ZFR: variants seen among roughly 807,000 people sequenced by gnomAD.
ZFR encodes zinc finger RNA binding protein.
In ZFR, 19 loss-of-function variants were observed where a neutral mutation model predicts 130.7. The observed-to-expected ratio is 0.15, with a 90% CI of 0.10 to 0.21. The LOEUF (loss-of-function observed/expected upper bound fraction) is 0.21. Among genes scored for constraint, ZFR ranks in the 10% least tolerant of loss-of-function variants. ZFR has a pLI of 1.00. For synonymous variants in ZFR, 466 were observed against 456.9 expected (o/e 1.02, Z -0.25); for missense variants, 872 against 1,321.5 (o/e 0.66, Z 5.27).
rs769362722 is a variant in ZFR at position 32,370,310 on chromosome 5, G to GGAGA, written c.2836-6039_2836-6036dup. Reference sequence around the variant, plus strand: ...TATAATAACATTGTGTGTTGTGGGGGGAGAGAGAGAGAGAGAGAGAGAGAG... The same window carrying GGAGA: ...TATAATAACATTGTGTGTTGTGGGGGGAGAGAGAGAGAGAGAGAGAGAGAGAGAG... On this transcript the variant is annotated intron_variant, in intron 17 of 19. Coordinates refer to ENST00000265069, the MANE Select transcript of ZFR (RefSeq NM_016107.5). 6.9e-3 allele frequency among the ~76,000 whole-genome samples: 483 copies of GGAGA among 69,738 alleles called. 2 individuals are homozygous for GGAGA. Among genetic ancestry groups the GGAGA allele is most frequent in the East Asian group, 0.047 (107 of 2,298 alleles). The allele number at this position is 69,738 out of a possible 152,430, so 45.8% of individuals were successfully genotyped here. A position where few individuals can be genotyped will look rare whatever the true frequency, so the allele number is the denominator to read the frequency against.
chr5:32,365,827 T>C (rs2060046070), intron 17 of ZFR, among the ~76,000 whole-genome samples: 1 of 152,154 alleles, frequency 6.6e-6, no homozygotes, highest in Non-Finnish European at 1.5e-5. Context: ...TTTGAACTCC[T>C]GGACTCATGT....
chr5:32,427,374 C>CAAA (rs540663022), intron 2 of ZFR, among the ~76,000 whole-genome samples: 684 of 66,372 alleles, frequency 0.01, 17 homozygotes, highest in African/African-American at 0.041. Flanking sequence ...GACTCTGTCT[C>CAAA]AAAAAAAAAA....
chr5:32,429,733 T>C (rs1166546701), intron 2 of ZFR, among the ~76,000 whole-genome samples: 1 of 152,060 alleles, frequency 6.6e-6, no homozygotes, highest in Non-Finnish European at 1.5e-5. Context: ...CTTCTGTAAA[T>C]GCTGCAAATA....
intron 17 of ZFR, among the ~76,000 whole-genome samples, chr5:32,377,559 A>T (rs575666944): frequency 6.6e-6 from 1 of 152,304 alleles, no homozygotes; most frequent in East Asian, 1.9e-4. Context: ...AATTTCCAAC[A>T]CAGGTAAAGG....
intron 2 of ZFR, among the ~76,000 whole-genome samples, chr5:32,443,861 G>A (rs1754529768): frequency 6.6e-6 from 1 of 152,258 alleles, no homozygotes; most frequent in Admixed American, 6.5e-5. Flanking sequence ...ATGGGAGGTG[G>A]GGGCTGGACG....
At chr5:32,406,349 A>G (rs1442945866) in intron 6 of ZFR, among the ~76,000 whole-genome samples, 2 of 152,242 alleles carry the variant, frequency 1.3e-5, no homozygotes, top group Non-Finnish European at 2.9e-5. Context: ...CAGTCTCATT[A>G]GAAATGCAAT....
chr5:32,422,898 C>G (rs2111830354), intron 2 of ZFR, among the ~76,000 whole-genome samples: 1 of 145,716 alleles, frequency 6.9e-6, no homozygotes, highest in African/African-American at 2.5e-5. Context: ...GAAAAGAAAG[C>G]ACGTAAGCAA....
At chr5:32,387,305 C>A (rs1456015046) in intron 14 of ZFR, among the ~76,000 whole-genome samples, 1 of 152,012 alleles carries the variant, frequency 6.6e-6, no homozygotes, top group Non-Finnish European at 1.5e-5. Context: ...GCATATGCTG[C>A]AATTTTACAT....
Position 32,419,831 on chromosome 5 carries a change from T to C in ZFR, c.410A>G (p.Gln137Arg). Residue 137 changes from glutamine to arginine, a missense_variant, in exon 3 of 20, where the codon CAA (glutamine) becomes CGA (arginine). Gln to Arg is a conservative substitution (Grantham distance 43, BLOSUM62 1). This residue lies in a region of ZFR where 240 missense variants were observed against 441.2 expected (regional missense o/e 0.54). Coordinates refer to ENST00000265069, the MANE Select transcript of ZFR (RefSeq NM_016107.5). Reference protein sequence around the residue: ...APPPPPPATTQNYQDSYSYVR... With the variant: ...APPPPPPATTRNYQDSYSYVR... ...TAGTAGTTTTCTTACCTGGTAGTTT[T>C]GTGTAGTAGCTGGGGGTGGTGGTGG... The C allele has an allele frequency of 6.3e-7, 1 of 1,598,344 alleles. No individual in the cohort carries two copies. The highest frequency in any genetic ancestry group is 8.5e-7 in the Non-Finnish European group (1 of 1,170,288).
At position 32,415,692 on chromosome 5, in the gene ZFR, T is replaced by C. The variant is rs572971642; in HGVS notation, c.566-505A>G. 5.3e-5 allele frequency among the ~76,000 whole-genome samples: 8 copies of C among 152,158 alleles called. No homozygotes were observed. In the East Asian group the frequency reaches 1.3e-3, roughly 26 times the overall value. On this transcript the variant is annotated intron_variant, in intron 4 of 19. Coordinates refer to ENST00000265069, the MANE Select transcript of ZFR (RefSeq NM_016107.5). ...TTTAACTGATTTTTCCATAGTGAAC[T>C]ACAATCTAACAAGGTACTACATAAT...
chr5:32,423,116 C>T (rs1175867303), intron 2 of ZFR, among the ~76,000 whole-genome samples: 7 of 151,986 alleles, frequency 4.6e-5, no homozygotes, highest in African/African-American at 1.4e-4. Flanking sequence ...GCCAAGAAGG[C>T]TGGATCTTGA....
intron 2 of ZFR, among the ~76,000 whole-genome samples, chr5:32,424,480 G>A (rs542666464): frequency 6.6e-6 from 1 of 150,518 alleles, no homozygotes; most frequent in South Asian, 2.1e-4. Flanking sequence ...GCAGTGAGCC[G>A]AGATCGCGCG....
rs1331250067 is a variant in ZFR at position 32,355,336 on chromosome 5, G to T, written c.*424C>A. 2.0e-5 allele frequency: 3 copies of T among 153,088 alleles called. No individual in the cohort carries two copies. The Admixed American group carries it at 2.0e-4, about 10-fold the overall frequency. 9.5% of individuals were successfully genotyped at this position (153,088 alleles called of 1,614,324 possible). On this transcript the variant is annotated 3_prime_UTR_variant, in exon 20 of 20. Coordinates refer to ENST00000265069, the MANE Select transcript of ZFR (RefSeq NM_016107.5). ...GGTAAAGGATACCATCTATAACAAA[G>T]TAACTTACAACTAGTGTCAAAAAGC...
chr5:32,378,634 T>C (rs1003609125), intron 17 of ZFR, among the ~76,000 whole-genome samples: 1 of 152,182 alleles, frequency 6.6e-6, no homozygotes, highest in Non-Finnish European at 1.5e-5. Context: ...GTTAAGATAA[T>C]CTGCCTTTAA....
At chr5:32,437,075 A>T (rs566692412) in intron 2 of ZFR, among the ~76,000 whole-genome samples, 2 of 152,330 alleles carry the variant, frequency 1.3e-5, no homozygotes, top group South Asian at 4.1e-4. Context: ...AGTCTCTATT[A>T]TATCATGCAA....
At chr5:32,440,162 A>G (rs1284365984) in intron 2 of ZFR, among the ~76,000 whole-genome samples, 1 of 152,166 alleles carries the variant, frequency 6.6e-6, no homozygotes. Context: ...TCAAACAAAA[A>G]AGGTACTCTA....
Position 32,355,815 on chromosome 5 carries a change from A to C in ZFR, c.3170T>G (p.Val1057Gly). ...TTTCCCCTCAGCTTCAAATCCATCA[A>C]CTCCATCACTATCTCTTCTTCGTTT... Reference protein sequence around the residue: ...NRKRRRDSDGVDGFEAEGKKD... With the variant: ...NRKRRRDSDGGDGFEAEGKKD... The change falls in exon 20 of 20, where the codon GTT (valine) becomes GGT (glycine). Residue 1057 changes from valine to glycine, a missense_variant. By Grantham distance (109) the Val-to-Gly change is moderately radical. Around this residue, in one of 7 missense-constraint regions of ZFR, gnomAD observed 158 missense variants for 264.0 expected, o/e 0.60. Transcript: ENST00000265069. 1 of 1,606,626 alleles carries C rather than the reference A, an allele frequency of 6.2e-7. No homozygotes were observed. The highest frequency in any genetic ancestry group is 8.5e-7 in the Non-Finnish European group (1 of 1,177,480).
At chr5:32,428,542 A>G (rs1407560771) in intron 2 of ZFR, among the ~76,000 whole-genome samples, 4 of 152,242 alleles carry the variant, frequency 2.6e-5, no homozygotes, top group African/African-American at 4.8e-5. Context: ...GCACCACTAC[A>G]CTTCAACCTG....
intron 5 of ZFR, among the ~76,000 whole-genome samples, chr5:32,411,899 T>A (rs1340589983): frequency 6.6e-6 from 1 of 152,144 alleles, no homozygotes; most frequent in African/African-American, 2.4e-5. Context: ...CCACAAATTT[T>A]GGTATCAATG....
Sources: gnomAD v4.1 joint callset for allele counts (sites outside exome capture counted in the v4.1 genomes callset) on GRCh38, gnomAD v4.1.1 for gene constraint, gnomAD v4.1.1 regional missense constraint, MANE v1.5 for transcripts, NCBI Gene and HGNC (gene_info 2026-07-23, HGNC 2026-07-21) for gene names.